Variants in RAB11B observed in about 807,000 individuals in gnomAD.
RAB11B encodes RAB11B, member RAS oncogene family, also known as ras-related protein Rab-11B.
In RAB11B, 7 loss-of-function variants were observed where a neutral mutation model predicts 23.7. That is an observed-to-expected ratio of 0.29 (90% CI 0.17 to 0.55). The LOEUF (loss-of-function observed/expected upper bound fraction) is 0.55. Among genes scored for constraint, RAB11B ranks in the 20% least tolerant of loss-of-function variants. RAB11B has a pLI of 0.93. For synonymous variants in RAB11B, 138 were observed against 132.0 expected (o/e 1.05, Z -0.31); for missense variants, 189 against 320.0 (o/e 0.59, Z 3.12).
intron 4 of RAB11B, 113 bp downstream of exon 4, chr19:8,402,678 G>C: frequency 1.3e-6 from 1 of 754,970 alleles, no homozygotes; most frequent in East Asian, 3.0e-5. Context: ...TTTTTTGTCG[G>C]GGCAGGATGG....
At chr19:8,398,584 G>A (rs1971413948) in intron 1 of RAB11B, among the ~76,000 whole-genome samples, 1 of 152,198 alleles carries the variant, frequency 6.6e-6, no homozygotes, top group Admixed American at 6.5e-5. Context: ...TGCGTCCTCA[G>A]GGCACATTCC....
intron 1 of RAB11B, among the ~76,000 whole-genome samples, chr19:8,394,626 G>A (rs1219714361): frequency 6.6e-6 from 1 of 152,228 alleles, no homozygotes; most frequent in Non-Finnish European, 1.5e-5. Context: ...CCTGGCCAAA[G>A]TGCTTGAGGG....
intron 1 of RAB11B, among the ~76,000 whole-genome samples, chr19:8,392,345 G>T (rs1971361819): frequency 6.6e-6 from 1 of 152,204 alleles, no homozygotes; most frequent in Non-Finnish European, 1.5e-5. Context: ...ACAGTTACTG[G>T]GTCAGGAGCA....
chr19:8,390,452 C>T lies in RAB11B; in HGVS notation c.36C>T (p.Phe12=), dbSNP rs528750032. 4 of 1,512,512 alleles carry T rather than the reference C, an allele frequency of 2.6e-6. No homozygotes were observed. The highest frequency in any genetic ancestry group is 3.5e-6 in the Non-Finnish European group (4 of 1,134,706). The allele number at this position is 1,512,512 out of a possible 1,614,324, so 93.7% of individuals were successfully genotyped here. ...GGGACGACGAGTACGACTACCTATT[C>T]AAAGGTGCGGCCGGTGGGGCACAGA... ...GTRDDEYDYL[F]KVVLIGDSGV... The change falls in exon 1 of 5, where the codon TTC becomes TTT. Residue 12 remains phenylalanine (F), a synonymous_variant. Transcript: ENST00000328024.
intron 2 of RAB11B, chr19:8,400,380 A>G (rs1971427822): frequency 1.0e-5 from 4 of 389,480 alleles, no homozygotes; most frequent in Middle Eastern, 7.7e-4. Context: ...ACTGGTGCCC[A>G]CACCTGGTCC....
chr19:8,392,685 C>CT (rs74176644), intron 1 of RAB11B, among the ~76,000 whole-genome samples: 18,639 of 79,440 alleles, frequency 0.23, 2,445 homozygotes, highest in Admixed American at 0.28. Flanking sequence ...TTTTTCTTTT[C>CT]TTTTTTTTTT....
At chr19:8,400,637 A>AGTGC (rs1291629202) in intron 2 of RAB11B, among the ~76,000 whole-genome samples, 10 of 150,746 alleles carry the variant, frequency 6.6e-5, no homozygotes, top group African/African-American at 2.4e-4. Context: ...CCCAGGCTGG[A>AGTGC]GTGCGATGGC....
chr19:8,391,572 A>G (rs1418114741), intron 1 of RAB11B, among the ~76,000 whole-genome samples: 2 of 152,162 alleles, frequency 1.3e-5, no homozygotes, highest in African/African-American at 2.4e-5. Flanking sequence ...ACTTTGGCCT[A>G]GTGGTCTGCC....
chr19:8,402,815 A>G lies in RAB11B; in HGVS notation c.511+250A>G, dbSNP rs553762164. The G allele has an allele frequency of 7.9e-5, 45 of 569,976 alleles. No homozygotes were observed. The East Asian group carries it at 9.5e-4, about 12-fold the overall frequency. The allele number at this position is 569,976 out of a possible 1,614,324, so 35.3% of individuals were successfully genotyped here. A position where few individuals can be genotyped will look rare whatever the true frequency, so the allele number is the denominator to read the frequency against. On this transcript the variant is annotated intron_variant, in intron 4 of 4. Transcript: ENST00000328024. ...GTAGCTGGGATTACAGGTGCCTGCCACCACACCCGCTAATTTTTGTAATTT... is the reference window on the plus strand; with the variant it reads ...GTAGCTGGGATTACAGGTGCCTGCCGCCACACCCGCTAATTTTTGTAATTT...
At chr19:8,390,613 A>C in intron 1 of RAB11B, 157 bp downstream of exon 1, 1 of 757,786 alleles carries the variant, frequency 1.3e-6, no homozygotes, top group South Asian at 5.1e-5. Flanking sequence ...ACCGGGCAGC[A>C]TCAGCTTCGG....
intron 2 of RAB11B, among the ~76,000 whole-genome samples, chr19:8,401,540 C>G (rs1196975372): frequency 6.6e-6 from 1 of 151,806 alleles, no homozygotes; most frequent in Admixed American, 6.6e-5. Flanking sequence ...GCGCCTGCCA[C>G]CACGCCTGGC....
At chr19:8,401,274 G>A (rs1453486114) in intron 2 of RAB11B, among the ~76,000 whole-genome samples, 2 of 151,400 alleles carry the variant, frequency 1.3e-5, no homozygotes, top group African/African-American at 2.4e-5. Context: ...TAGAGATGGG[G>A]TTTCACCGCA....
Position 8,403,725 on chromosome 19 carries a change from G to A in RAB11B, c.*167G>A, listed in dbSNP as rs1183360387. The A allele has an allele frequency of 7.3e-6, 7 of 965,350 alleles. No individual in the cohort carries two copies. Among genetic ancestry groups the A allele is most frequent in the Admixed American group, 3.3e-5 (1 of 30,250 alleles). 59.8% of individuals were successfully genotyped at this position (965,350 alleles called of 1,614,324 possible). On this transcript the variant is annotated 3_prime_UTR_variant, in exon 5 of 5. Coordinates refer to ENST00000328024, the MANE Select transcript of RAB11B (RefSeq NM_004218.4). Reference sequence around the variant, plus strand: ...GAAGGACAGGAGCCAGTGCTACCCCGTCCTGCCCGGGGAAAAGCTAGAAGC... The same window carrying A: ...GAAGGACAGGAGCCAGTGCTACCCCATCCTGCCCGGGGAAAAGCTAGAAGC...
intron 4 of RAB11B, 32 bp downstream of exon 4, chr19:8,402,597 C>T: frequency 6.5e-7 from 1 of 1,535,096 alleles, no homozygotes; most frequent in Non-Finnish European, 9.0e-7. Flanking sequence ...GTGGGTAGGG[C>T]ACCAGCCAGG....
intron 2 of RAB11B, among the ~76,000 whole-genome samples, chr19:8,401,771 C>T (rs1971439414): frequency 6.6e-6 from 1 of 152,202 alleles, no homozygotes; most frequent in African/African-American, 2.4e-5. Flanking sequence ...ATCCACCCGC[C>T]TCAGCCTCCC....
At chr19:8,394,449 C>A (rs534730439) in intron 1 of RAB11B, among the ~76,000 whole-genome samples, 1 of 152,356 alleles carries the variant, frequency 6.6e-6, no homozygotes, top group South Asian at 2.1e-4. Flanking sequence ...GCCACTGCAC[C>A]TGGCCTGTCA....
intron 2 of RAB11B, 167 bp downstream of exon 2, chr19:8,400,225 CA>C (rs1352974171): frequency 1.4e-4 from 113 of 834,762 alleles, no homozygotes; most frequent in Non-Finnish European, 6.8e-5. Flanking sequence ...GTGGGACCCT[CA>C]GGCTGACCAG....
intron 2 of RAB11B, 73 bp downstream of exon 2, chr19:8,400,131 ATGTGT>A: frequency 6.5e-7 from 1 of 1,528,752 alleles, no homozygotes; most frequent in Non-Finnish European, 8.9e-7. Flanking sequence ...GCTTGGAAGG[ATGTGT>A]AGGAGTTGGG....
Position 8,396,069 on chromosome 19 carries a change from G to A in RAB11B, c.41-3794G>A, listed in dbSNP as rs1971394628. Among the ~76,000 whole-genome samples, 1 of 152,200 alleles carries A rather than the reference G, an allele frequency of 6.6e-6. No homozygotes were observed. Among genetic ancestry groups the A allele is most frequent in the Non-Finnish European group, 1.5e-5 (1 of 68,040 alleles). The stretch of plus-strand genomic sequence containing the variant: ...CATCCAAGCCTCAGTTTCCTCATCT[G>A]TAAAAATGGGCTACAGGAGGCTTCT... On this transcript the variant is annotated intron_variant, in intron 1 of 4. Transcript: ENST00000328024. This position sits in a 1 kb window ranked among gnomAD's most constrained non-coding sequence, Gnocchi z 5.0.
Sources: gnomAD v4.1 joint callset for allele counts (sites outside exome capture counted in the v4.1 genomes callset) on GRCh38, gnomAD v4.1.1 for gene constraint, Gnocchi (gnomAD v3.1) non-coding constraint, MANE v1.5 for transcripts, NCBI Gene and HGNC (gene_info 2026-07-23, HGNC 2026-07-21) for gene names.